Variants in EFNA5 observed in about 807,000 individuals in gnomAD.
The protein encoded by EFNA5 is ephrin A5, also known as ephrin-A5.
Under a neutral mutation model 22.9 loss-of-function variants are expected in EFNA5, and 5 were observed. That is an observed-to-expected ratio of 0.22 (90% CI 0.11 to 0.46). The LOEUF (loss-of-function observed/expected upper bound fraction) is 0.46. Ranked by LOEUF, EFNA5 falls within the 20% of genes least tolerant of loss-of-function variation. EFNA5 has a pLI of 0.99. For synonymous variants in EFNA5, 113 were observed against 112.2 expected (o/e 1.01, Z -0.04); for missense variants, 237 against 293.3 (o/e 0.81, Z 1.40).
chr5:107,639,624 C>T (rs1180291429), intron 1 of EFNA5, among the ~76,000 whole-genome samples: 1 of 152,084 alleles, frequency 6.6e-6, no homozygotes, highest in East Asian at 1.9e-4. Flanking sequence ...TATTAAGTGC[C>T]CAGCACAGGG....
At chr5:107,389,033 T>A (rs1382599915) in intron 2 of EFNA5, among the ~76,000 whole-genome samples, 1 of 152,186 alleles carries the variant, frequency 6.6e-6, no homozygotes, top group Non-Finnish European at 1.5e-5. Context: ...ATTCACCAAC[T>A]AAATAATGTC....
At chr5:107,466,385 G>A (rs150422944) in intron 1 of EFNA5, among the ~76,000 whole-genome samples, 18 of 152,078 alleles carry the variant, frequency 1.2e-4, no homozygotes, top group Middle Eastern at 3.4e-3. Flanking sequence ...AAGCAGAGCC[G>A]GGCACCAGAG....
rs1747592795 is a variant in EFNA5 at position 107,521,409 on chromosome 5, C to CGTAGGT, written c.126-93901_126-93900insACCTAC. Among the ~76,000 whole-genome samples, 18 of 151,588 alleles carry CGTAGGT rather than the reference C, an allele frequency of 1.2e-4. 1 individual carries two copies. Among genetic ancestry groups the CGTAGGT allele is most frequent in the Admixed American group, 1.2e-3 (18 of 15,206 alleles). On this transcript the variant is annotated intron_variant, in intron 1 of 4. Coordinates refer to ENST00000333274, the MANE Select transcript of EFNA5 (RefSeq NM_001962.3). ...GGACTCAAGTGATCCTCCTACCTCT[C>CGTAGGT]AGCCTCCTTAGTAGCTGGGACCACA... is the stretch of plus-strand genomic sequence containing the variant.
intron 2 of EFNA5, among the ~76,000 whole-genome samples, chr5:107,408,188 C>G (rs989756823): frequency 6.6e-6 from 1 of 151,930 alleles, no homozygotes; most frequent in African/African-American, 2.4e-5. Context: ...CACACACACA[C>G]CCATCACCAT....
At chr5:107,646,337 C>A (rs1443584787) in intron 1 of EFNA5, among the ~76,000 whole-genome samples, 1 of 152,050 alleles carries the variant, frequency 6.6e-6, no homozygotes, top group Non-Finnish European at 1.5e-5. Context: ...ACATGTCGTA[C>A]ATCTTATATA....
intron 1 of EFNA5, among the ~76,000 whole-genome samples, chr5:107,526,331 T>C (rs774100307): frequency 6.6e-6 from 1 of 152,232 alleles, no homozygotes; most frequent in Non-Finnish European, 1.5e-5. Context: ...TCTAGCTCTG[T>C]AGGTCTACAG....
intron 1 of EFNA5, among the ~76,000 whole-genome samples, chr5:107,573,740 G>A (rs10043284): frequency 2.0e-5 from 3 of 152,008 alleles, no homozygotes; most frequent in South Asian, 2.1e-4. Flanking sequence ...CCTATCAAAA[G>A]GTCTGGGAAT....
At position 107,575,709 on chromosome 5, in the gene EFNA5, C is replaced by T. The variant is rs183771166; in HGVS notation, c.125+94780G>A. On this transcript the variant is annotated intron_variant, in intron 1 of 4. Transcript: ENST00000333274. ...TCCTTACCCTTGAGGAGTTTACATTCCACTATGAGAATTGGGCCACAGAAT... is the reference window on the plus strand; with the variant it reads ...TCCTTACCCTTGAGGAGTTTACATTTCACTATGAGAATTGGGCCACAGAAT... Among the ~76,000 whole-genome samples, 371 of 152,150 alleles carry T rather than the reference C, an allele frequency of 2.4e-3. 2 individuals are homozygous for T. The highest frequency in any genetic ancestry group is 8.6e-3 in the African/African-American group (359 of 41,520).
chr5:107,543,590 C>G (rs993591144), intron 1 of EFNA5, among the ~76,000 whole-genome samples: 2 of 152,146 alleles, frequency 1.3e-5, no homozygotes, highest in African/African-American at 4.8e-5. Flanking sequence ...ATTAAATAAA[C>G]TTTATATACA....
intron 2 of EFNA5, among the ~76,000 whole-genome samples, chr5:107,396,217 G>A (rs1005401623): frequency 2.0e-5 from 3 of 152,116 alleles, no homozygotes. Context: ...ATTACTTAGC[G>A]GTTTGAGTGT....
intron 1 of EFNA5, among the ~76,000 whole-genome samples, chr5:107,510,171 A>G (rs976410417): frequency 6.6e-6 from 1 of 152,222 alleles, no homozygotes; most frequent in African/African-American, 2.4e-5. Context: ...ATGGCCATGA[A>G]TGTAACCTCT....
At chr5:107,555,105 T>C (rs897719039) in intron 1 of EFNA5, among the ~76,000 whole-genome samples, 4 of 152,218 alleles carry the variant, frequency 2.6e-5, no homozygotes, top group African/African-American at 4.8e-5. Context: ...GTCTAACATA[T>C]CCTGCAGAGA....
chr5:107,437,929 A>G (rs921388092), intron 1 of EFNA5, among the ~76,000 whole-genome samples: 3 of 152,250 alleles, frequency 2.0e-5, no homozygotes, highest in Non-Finnish European at 4.4e-5. Flanking sequence ...CTAACCAAGT[A>G]GACAACTTAA....
intron 1 of EFNA5, among the ~76,000 whole-genome samples, chr5:107,556,876 T>C (rs1748433354): frequency 6.6e-6 from 1 of 152,022 alleles, no homozygotes; most frequent in Non-Finnish European, 1.5e-5. Flanking sequence ...GCCAATTCAT[T>C]ACTCCATTTC....
At chr5:107,465,063 C>CTTT in intron 1 of EFNA5, among the ~76,000 whole-genome samples, 1 of 147,510 alleles carries the variant, frequency 6.8e-6, no homozygotes, top group Non-Finnish European at 1.5e-5. Flanking sequence ...CTGTGTGAGG[C>CTTT]TTTTTTTTTT....
intron 1 of EFNA5, among the ~76,000 whole-genome samples, chr5:107,569,431 A>ATATATATTTATATATGTGTGTG (rs1561435771): frequency 2.1e-5 from 3 of 141,864 alleles, no homozygotes; most frequent in Admixed American, 7.2e-5. Flanking sequence ...ATATGTGTGT[A>ATATATATTTATATATGTGTGTG]TATATATATT....
In EFNA5 at chr5:107,419,431, C is replaced by T. The variant is rs576408997; in HGVS notation, c.418+7786G>A. Among the ~76,000 whole-genome samples, 8 of 152,120 alleles carry T rather than the reference C, an allele frequency of 5.3e-5. No individual in the cohort carries two copies. In the East Asian group the frequency reaches 7.7e-4, roughly 15 times the overall value. On this transcript the variant is annotated intron_variant, in intron 2 of 4. Transcript: ENST00000333274. The stretch of plus-strand genomic sequence containing the variant: ...GAAGGACTATTTTCAAATAGAGACC[C>T]GATATAATTCTTAAAAAATATGCTG...
intron 1 of EFNA5, among the ~76,000 whole-genome samples, chr5:107,557,439 A>C (rs1748446675): frequency 6.6e-6 from 1 of 152,130 alleles, no homozygotes; most frequent in Admixed American, 6.6e-5. Flanking sequence ...CTGCCTCAGG[A>C]ACCACGCAGC....
intron 2 of EFNA5, among the ~76,000 whole-genome samples, chr5:107,394,064 A>AAAAGCATTTTCATAC (rs1378076576): frequency 5.3e-5 from 8 of 152,228 alleles, no homozygotes; most frequent in Non-Finnish European, 8.8e-5. Context: ...CCCCTTTTTT[A>AAAAGCATTTTCATAC]AAAGCATTTT....
Sources: allele counts gnomAD v4.1 joint callset (sites outside exome capture counted in the v4.1 genomes callset), GRCh38; gene constraint gnomAD v4.1.1; transcripts MANE v1.5; gene names NCBI Gene and HGNC (gene_info 2026-07-23, HGNC 2026-07-21).